Variants in NELL1 observed in about 807,000 individuals in gnomAD.
NELL1 encodes protein kinase C-binding protein NELL1.
NELL1 carries 76 observed loss-of-function variants against 107.4 expected under a neutral mutation model. The observed-to-expected ratio is 0.71, with a 90% CI of 0.59 to 0.86. The LOEUF is 0.86. NELL1 is among the 40% of genes least tolerant of loss of function. NELL1 has a pLI of 0.00. For synonymous variants in NELL1, 353 were observed against 341.2 expected (o/e 1.03, Z -0.38); for missense variants, 1,024 against 1,005.5 (o/e 1.02, Z -0.25).
Position 21,089,547 on chromosome 11 carries a change from G to A in NELL1, c.1301-24042G>A, listed in dbSNP as rs756501733. On this transcript the variant is annotated intron_variant, in intron 12 of 19. Transcript: ENST00000357134. ...TACGGCTAACTATATAAATTTTGTC[G>A]GAAACAAATCAAAGACCAAGACAAA... is the stretch of plus-strand genomic sequence containing the variant. Among the ~76,000 whole-genome samples the A allele has an allele frequency of 3.4e-4, 51 of 152,098 alleles. 1 individual carries two copies. The highest frequency in any genetic ancestry group is 1.2e-3 in the Admixed American group (18 of 15,276).
intron 12 of NELL1, among the ~76,000 whole-genome samples, chr11:20,995,091 A>G (rs189145720): frequency 7.8e-4 from 119 of 152,144 alleles, no homozygotes; most frequent in African/African-American, 2.6e-3. Flanking sequence ...GCAAGCTTCA[A>G]AAGGAGGCAG....
chr11:21,497,089 C>T (rs910075173), intron 15 of NELL1, among the ~76,000 whole-genome samples: 7 of 141,004 alleles, frequency 5.0e-5, no homozygotes, highest in East Asian at 4.2e-4. Context: ...AATAAGCATA[C>T]GTGTGCATGT....
chr11:21,105,423 C>T (rs1854928212), intron 12 of NELL1, among the ~76,000 whole-genome samples: 1 of 152,114 alleles, frequency 6.6e-6, no homozygotes, highest in South Asian at 2.1e-4. Flanking sequence ...GGAAGCTGGC[C>T]ACCCCACCTT....
At chr11:20,843,667 T>C (rs1848657430) in intron 3 of NELL1, among the ~76,000 whole-genome samples, 1 of 147,968 alleles carries the variant, frequency 6.8e-6, no homozygotes, top group East Asian at 1.9e-4. Flanking sequence ...AATTATATTA[T>C]ATATTTTAAT....
At chr11:20,835,175 A>G (rs1848511683) in intron 3 of NELL1, among the ~76,000 whole-genome samples, 3 of 152,162 alleles carry the variant, frequency 2.0e-5, no homozygotes, top group Non-Finnish European at 4.4e-5. Context: ...CTTCTTTTTG[A>G]AACGTTCTCA....
intron 14 of NELL1, among the ~76,000 whole-genome samples, chr11:21,315,463 C>T (rs1414921251): frequency 6.6e-6 from 1 of 152,140 alleles, no homozygotes; most frequent in Admixed American, 6.5e-5. Flanking sequence ...ATGGACAGAA[C>T]TTGGTGAAAG....
intron 11 of NELL1, among the ~76,000 whole-genome samples, chr11:20,953,967 ATG>A (rs760131201): frequency 6.6e-6 from 1 of 152,158 alleles, no homozygotes; most frequent in Non-Finnish European, 1.5e-5. Flanking sequence ...ATGCCTGCAC[ATG>A]TGCTAGGTGC....
At chr11:21,430,725 G>A (rs1852944560) in intron 15 of NELL1, among the ~76,000 whole-genome samples, 2 of 152,166 alleles carry the variant, frequency 1.3e-5, no homozygotes, top group African/African-American at 4.8e-5. Context: ...AGCCAGAAAT[G>A]GTAAGATAGA....
At chr11:20,818,557 T>G (rs1255537809) in intron 3 of NELL1, among the ~76,000 whole-genome samples, 3 of 152,084 alleles carry the variant, frequency 2.0e-5, no homozygotes, top group Non-Finnish European at 4.4e-5. Context: ...TGGGAAGACA[T>G]TTAATATTTG....
At chr11:21,441,330 CGT>C (rs201892977) in intron 15 of NELL1, among the ~76,000 whole-genome samples, 25,306 of 137,838 alleles carry the variant, frequency 0.18, 2,709 homozygotes, top group Non-Finnish European at 0.25. Flanking sequence ...GAGGCTGTGA[CGT>C]GTGTGTGTGT....
chr11:21,236,333 T>C (rs1565124487), intron 14 of NELL1, among the ~76,000 whole-genome samples: 1 of 152,178 alleles, frequency 6.6e-6, no homozygotes, highest in African/African-American at 2.4e-5. Flanking sequence ...AGTAAATACA[T>C]AGATGCAAAA....
intron 12 of NELL1, among the ~76,000 whole-genome samples, chr11:21,033,776 C>T (rs1372119981): frequency 1.3e-5 from 2 of 152,002 alleles, no homozygotes; most frequent in South Asian, 2.1e-4. Context: ...ATTGCTGGGT[C>T]GAATGGTATT....
intron 15 of NELL1, among the ~76,000 whole-genome samples, chr11:21,375,790 C>T (rs1012298843): frequency 2.5e-4 from 38 of 152,016 alleles, no homozygotes; most frequent in Non-Finnish European, 5.3e-4. Context: ...ATTTTTATTT[C>T]TCCAATGATT....
rs377023730 is a variant in NELL1 at position 21,570,754 on chromosome 11, T to A, written c.1981-10T>A. 6.2e-7 allele frequency: 1 copy of A among 1,609,960 alleles called. No homozygotes were observed. The highest frequency in any genetic ancestry group is 1.3e-5 in the African/African-American group (1 of 74,684). ...AATGATGAAACCTCCTTAACTTCAT[T>A]TCTAAACAGGATGGCAAGATATTCT... is the stretch of plus-strand genomic sequence containing the variant. On this transcript the variant is annotated splice_polypyrimidine_tract_variant and intron_variant, in intron 17 of 19. Transcript: ENST00000357134.
intron 2 of NELL1, among the ~76,000 whole-genome samples, chr11:20,679,206 G>C (rs1405541423): frequency 1.3e-5 from 2 of 152,098 alleles, no homozygotes; most frequent in Non-Finnish European, 2.9e-5. Context: ...CCTGTTTTAA[G>C]TATTACTCTT....
chr11:20,736,848 T>C (rs1855773309), intron 2 of NELL1, among the ~76,000 whole-genome samples: 1 of 149,074 alleles, frequency 6.7e-6, no homozygotes, highest in Non-Finnish European at 1.5e-5. Flanking sequence ...TCTTCCTCCC[T>C]GGTTCAAGCA....
At position 20,995,950 on chromosome 11, in the gene NELL1, G is replaced by T. The variant is rs1178391793; in HGVS notation, c.1300+35390G>T. 2.0e-5 allele frequency among the ~76,000 whole-genome samples: 3 copies of T among 152,200 alleles called. No homozygotes were observed. In the South Asian group the frequency reaches 6.2e-4, roughly 31 times the overall value. ...AAGGCAAGGGCTGAAGAATGAACGAGATTTGGATTAAAGGACAAAAGAAGA... is the reference window on the plus strand; with the variant it reads ...AAGGCAAGGGCTGAAGAATGAACGATATTTGGATTAAAGGACAAAAGAAGA... On this transcript the variant is annotated intron_variant, in intron 12 of 19. Transcript: ENST00000357134.
At chr11:21,500,631 G>A (rs1354229973) in intron 15 of NELL1, among the ~76,000 whole-genome samples, 1 of 152,028 alleles carries the variant, frequency 6.6e-6, no homozygotes, top group Non-Finnish European at 1.5e-5. Context: ...TACGTGACAT[G>A]GCTTTTTATC....
chr11:21,531,418 A>G (rs1402662113), intron 15 of NELL1, among the ~76,000 whole-genome samples: 1 of 152,112 alleles, frequency 6.6e-6, no homozygotes, highest in Non-Finnish European at 1.5e-5. Context: ...TTTGAACTGT[A>G]TTTCACCATT....
Sources: allele counts gnomAD v4.1 joint callset (sites outside exome capture counted in the v4.1 genomes callset), GRCh38; gene constraint gnomAD v4.1.1; transcripts MANE v1.5; gene names NCBI Gene and HGNC (gene_info 2026-07-23, HGNC 2026-07-21).